Variants in UGT2B4 observed in about 807,000 individuals in gnomAD.
The protein encoded by UGT2B4 is UDP glucuronosyltransferase family 2 member B4, also known as UDP-glucuronosyltransferase 2B4.
Under a neutral mutation model 49.8 loss-of-function variants are expected in UGT2B4, and 49 were observed. The observed-to-expected ratio is 0.98, with a 90% CI of 0.78 to 1.25. The LOEUF is 1.25. Among genes scored for constraint, UGT2B4 ranks in the 50% most tolerant of loss-of-function variants. The probability of loss-of-function intolerance (pLI) is 0.00; values close to 1 mark genes in which losing one functional copy is unlikely to be tolerated. For synonymous variants in UGT2B4, 246 were observed against 217.7 expected, an observed-to-expected ratio of 1.13 and a Z score of -1.14; for missense variants, 729 against 627.7, an observed-to-expected ratio of 1.16 and a Z score of -1.73.
intron 2 of UGT2B4, among the ~76,000 whole-genome samples, chr4:69,492,256 A>G (rs1728009795): frequency 6.6e-6 from 1 of 152,052 alleles, no homozygotes; most frequent in Non-Finnish European, 1.5e-5. Flanking sequence ...TTAAGGCAGA[A>G]AACACCTGCT....
At chr4:69,520,548 C>T (rs1322567504) in intron 1 of UGT2B4, among the ~76,000 whole-genome samples, 4 of 152,226 alleles carry the variant, frequency 2.6e-5, no homozygotes, top group African/African-American at 4.8e-5. Flanking sequence ...TGCCAGCTCC[C>T]GCTGCCTGGC....
At chr4:69,491,295 A>G (rs920952708) in intron 2 of UGT2B4, among the ~76,000 whole-genome samples, 6 of 152,046 alleles carry the variant, frequency 3.9e-5, no homozygotes, top group Admixed American at 1.3e-4. Flanking sequence ...GTAATGCTAT[A>G]GTATGCATCT....
chr4:69,500,515 GGAAAGAAAGAAAGAAAGAA>G (rs1560438248), upstream of UGT2B4, among the ~76,000 whole-genome samples: 1 of 95,368 alleles, frequency 1.0e-5, no homozygotes, highest in African/African-American at 3.6e-5. Context: ...AAGGAAGGAA[GGAAAGAAAGAAAGAAAGAA>G]GAAAGAAAGA....
intron 5 of UGT2B4, among the ~76,000 whole-genome samples, chr4:69,482,264 C>T (rs1727615145): frequency 6.6e-6 from 1 of 152,190 alleles, no homozygotes; most frequent in African/African-American, 2.4e-5. Flanking sequence ...ATTTCCTCTA[C>T]TTTTTGTGCT....
At chr4:69,509,093 T>A (rs1728544039) in intron 1 of UGT2B4, among the ~76,000 whole-genome samples, 1 of 152,102 alleles carries the variant, frequency 6.6e-6, no homozygotes, top group Non-Finnish European at 1.5e-5. Flanking sequence ...CTCTGTGTTA[T>A]TTCACTTAAT....
At chr4:69,507,261 TAGAA>T (rs1302607381) in intron 1 of UGT2B4, among the ~76,000 whole-genome samples, 5 of 152,270 alleles carry the variant, frequency 3.3e-5, no homozygotes, top group African/African-American at 1.2e-4. Flanking sequence ...TGTATTCAAA[TAGAA>T]AGAGAGGAAA....
Position 69,480,906 on chromosome 4 carries a change from T to C in UGT2B4, c.1315A>G (p.Lys439Glu). ...LKTVINDPLYKENAMKLSRIH... is the reference protein window; with the variant it reads ...LKTVINDPLYEENAMKLSRIH... The stretch of plus-strand genomic sequence containing the variant: ...CTTGATAATTTCATAGCATTCTCTT[T>C]ATATCTAAACGATAAGCAGAAAAGT... The change falls in exon 6 of 6, where the codon AAA becomes GAA. Residue 439 changes from lysine (K) to glutamate (E), a missense_variant. Coordinates refer to ENST00000305107, the MANE Select transcript of UGT2B4 (RefSeq NM_021139.3). 1 of 1,613,280 alleles carries C rather than the reference T, an allele frequency of 6.2e-7. No homozygotes were observed. Among genetic ancestry groups the C allele is most frequent in the Non-Finnish European group, 8.5e-7 (1 of 1,179,514 alleles).
chr4:69,481,834 A>G (rs570461411), intron 5 of UGT2B4, among the ~76,000 whole-genome samples: 29 of 152,322 alleles, frequency 1.9e-4, no homozygotes, highest in African/African-American at 7.0e-4. Context: ...TCATAGCCAC[A>G]TGCTCTGCTT....
intron 3 of UGT2B4, among the ~76,000 whole-genome samples, chr4:69,488,700 G>A (rs1399379804): frequency 4.0e-5 from 6 of 151,860 alleles, no homozygotes; most frequent in African/African-American, 7.3e-5. Context: ...ATAGTGCAGC[G>A]TCCTTGTGGG....
At chr4:69,510,887 T>G (rs983709358) in intron 1 of UGT2B4, among the ~76,000 whole-genome samples, 2 of 152,064 alleles carry the variant, frequency 1.3e-5, no homozygotes, top group African/African-American at 2.4e-5. Flanking sequence ...TGCCTTGTCC[T>G]GATATTAGAT....
intron 1 of UGT2B4, among the ~76,000 whole-genome samples, chr4:69,513,118 C>T (rs1462805944): frequency 6.6e-6 from 1 of 152,094 alleles, no homozygotes; most frequent in Non-Finnish European, 1.5e-5. Flanking sequence ...TTTGCTTTTG[C>T]TGCAATTGAT....
chr4:69,502,349 TCTGA>T (rs1044559861), intron 1 of UGT2B4, among the ~76,000 whole-genome samples: 114 of 151,844 alleles, frequency 7.5e-4, no homozygotes, highest in African/African-American at 2.5e-3. Flanking sequence ...ACACAGTCCT[TCTGA>T]CTGTGTTAGA....
chr4:69,508,675 A>C (rs1167507167), intron 1 of UGT2B4, among the ~76,000 whole-genome samples: 1 of 152,174 alleles, frequency 6.6e-6, no homozygotes, highest in African/African-American at 2.4e-5. Context: ...GACACATAGA[A>C]GGGAACAAAA....
intron 1 of UGT2B4, among the ~76,000 whole-genome samples, chr4:69,524,711 C>A (rs201927218): frequency 6.0e-5 from 8 of 133,930 alleles, no homozygotes; most frequent in Admixed American, 4.5e-4. Flanking sequence ...GAAAAAAAAA[C>A]CCAAATATCT....
At chr4:69,516,716 C>T (rs1728743048) in intron 1 of UGT2B4, among the ~76,000 whole-genome samples, 1 of 151,916 alleles carries the variant, frequency 6.6e-6, no homozygotes, top group Admixed American at 6.6e-5. Context: ...AGGGGATTCT[C>T]ATGTTTCAGT....
At chr4:69,512,801 C>T (rs892725554) in intron 1 of UGT2B4, among the ~76,000 whole-genome samples, 4 of 152,094 alleles carry the variant, frequency 2.6e-5, no homozygotes, top group African/African-American at 9.7e-5. Context: ...AATGATGTCT[C>T]ATTGTGGTTT....
At chr4:69,489,288 A>T in intron 3 of UGT2B4, 151 bp downstream of exon 3, 1 of 1,028,476 alleles carries the variant, frequency 9.7e-7, no homozygotes, top group Non-Finnish European at 1.4e-6. Context: ...CATCTTCCAT[A>T]CATATTTTTG....
rs551843595 is a variant in UGT2B4, at chr4:69,503,977, C to T, written c.-105-8011G>A. Among the ~76,000 whole-genome samples the T allele has an allele frequency of 5.9e-5, 9 of 152,258 alleles. No individual in the cohort carries two copies. The South Asian group carries it at 1.9e-3, about 31-fold the overall frequency. On this transcript the variant is annotated intron_variant, in intron 1 of 1. Coordinates refer to the UGT2B4 transcript ENST00000510114. ...CAGGAGTTGGGAACAGAATGTTGGT[C>T]CCCCAAAATCTTCCAGAAACAAAGC...
intron 5 of UGT2B4, among the ~76,000 whole-genome samples, 163 bp downstream of exon 5, chr4:69,485,045 A>T (rs1201021109): frequency 1.3e-5 from 2 of 152,158 alleles, no homozygotes; most frequent in Admixed American, 6.5e-5. Context: ...GTTCAAATAA[A>T]ATTTTTAAAT....
Sources: gnomAD v4.1 joint callset for allele counts (sites outside exome capture counted in the v4.1 genomes callset) on GRCh38, gnomAD v4.1.1 for gene constraint, MANE v1.5 for transcripts, NCBI Gene and HGNC (gene_info 2026-07-23, HGNC 2026-07-21) for gene names.